The following AGO2 variants were observed in gnomAD, a reference collection of about 807,000 sequenced individuals.
AGO2 encodes argonaute RISC catalytic component 2.
In AGO2, 5 loss-of-function variants were observed where a neutral mutation model predicts 102.3. The ratio of observed to expected loss-of-function variants is 0.05; its 90% CI spans 0.03 to 0.10. AGO2 has a LOEUF of 0.10. Ranked by LOEUF, AGO2 falls within the 10% of genes least tolerant of loss-of-function variation. The pLI, the probability that AGO2 is intolerant of heterozygous loss-of-function variation, is 1.00. For synonymous variants in AGO2, 449 were observed against 473.1 expected, an observed-to-expected ratio of 0.95 and a Z score of 0.66; for missense variants, 541 against 1,183.7, an observed-to-expected ratio of 0.46 and a Z score of 7.97.
At chr8:140,612,051 G>C (rs1046051713) in intron 1 of AGO2, among the ~76,000 whole-genome samples, 2 of 151,560 alleles carry the variant, frequency 1.3e-5, no homozygotes, top group Admixed American at 1.3e-4. Context: ...GTGAAACCCC[G>C]TCTCTACTAA....
At chr8:140,537,628 T>G (rs932693607) in intron 16 of AGO2, among the ~76,000 whole-genome samples, 4 of 151,764 alleles carry the variant, frequency 2.6e-5, no homozygotes, top group Non-Finnish European at 5.9e-5. Context: ...AGTTTTTCAT[T>G]TTTGTCTGGA....
chr8:140,531,147 A>G lies in AGO2; in HGVS notation c.*897T>C, dbSNP rs1052934433. On this transcript the variant is annotated 3_prime_UTR_variant, in exon 19 of 19. Transcript: ENST00000220592. ...ATAGTCAATAAAATGAAAAAACAGC[A>G]TCTATCTATCACATTAATACTGCAA... 4 of 152,476 alleles carry G rather than the reference A, an allele frequency of 2.6e-5. No individual in the cohort carries two copies. Among genetic ancestry groups the G allele is most frequent in the African/African-American group, 9.7e-5 (4 of 41,444 alleles). 9.4% of individuals were successfully genotyped at this position (152,476 alleles called of 1,614,324 possible).
At chr8:140,620,139 G>A (rs1218007966) in intron 1 of AGO2, among the ~76,000 whole-genome samples, 1 of 152,206 alleles carries the variant, frequency 6.6e-6, no homozygotes, top group Non-Finnish European at 1.5e-5. Context: ...GGGGTCCCAC[G>A]TCAGGAGGAA....
intron 1 of AGO2, among the ~76,000 whole-genome samples, chr8:140,611,082 G>A (rs1271371809): frequency 2.0e-5 from 3 of 152,198 alleles, no homozygotes; most frequent in Non-Finnish European, 2.9e-5. Context: ...GGTCCGGGGA[G>A]CTTCAGGGAG....
intron 1 of AGO2, among the ~76,000 whole-genome samples, chr8:140,625,690 C>T (rs1053168932): frequency 1.3e-5 from 2 of 152,304 alleles, no homozygotes; most frequent in East Asian, 1.9e-4. Context: ...CTCTACCATG[C>T]GCATCCCCGA....
intron 17 of AGO2, among the ~76,000 whole-genome samples, chr8:140,533,959 C>T (rs1050982964): frequency 6.6e-6 from 1 of 152,236 alleles, no homozygotes; most frequent in African/African-American, 2.4e-5. Context: ...TCTCTGCCAC[C>T]TCTGCCTGCC....
At chr8:140,627,584 C>T (rs1224204676) in intron 1 of AGO2, among the ~76,000 whole-genome samples, 2 of 152,172 alleles carry the variant, frequency 1.3e-5, no homozygotes, top group East Asian at 3.8e-4. Context: ...GTAAGAGATT[C>T]GGGTTAGGGG....
intron 6 of AGO2, among the ~76,000 whole-genome samples, chr8:140,558,860 ACGG>A (rs2073146723): frequency 6.6e-6 from 1 of 152,186 alleles, no homozygotes; most frequent in African/African-American, 2.4e-5. Context: ...AACACGGGGT[ACGG>A]TGGATGGCCC....
At chr8:140,566,812 C>T (rs187388713) in intron 3 of AGO2, among the ~76,000 whole-genome samples, 5 of 152,292 alleles carry the variant, frequency 3.3e-5, no homozygotes, top group Non-Finnish European at 7.4e-5. Flanking sequence ...AATTCCAGTA[C>T]GGACTGGCAG....
chr8:140,542,236 C>T (rs1216885871), intron 14 of AGO2, among the ~76,000 whole-genome samples: 1 of 152,038 alleles, frequency 6.6e-6, no homozygotes, highest in Non-Finnish European at 1.5e-5. Flanking sequence ...CCTCTGGCTG[C>T]GGAAGGAAAG....
chr8:140,578,418 A>G (rs903654208), intron 2 of AGO2, among the ~76,000 whole-genome samples: 1 of 152,150 alleles, frequency 6.6e-6, no homozygotes, highest in Non-Finnish European at 1.5e-5. Flanking sequence ...CACTTCCCCA[A>G]AGTGAAACTG....
chr8:140,532,178 T>C (rs372315408), intron 18 of AGO2, 26 bp from the exon 19 acceptor site: 32 of 1,588,216 alleles, frequency 2.0e-5, no homozygotes, highest in Non-Finnish European at 2.7e-5. Context: ...AGAGAGAGAA[T>C]GAGAATGTGC....
intron 6 of AGO2, among the ~76,000 whole-genome samples, chr8:140,558,922 GCCAGGGGTGGGC>G (rs891695269): frequency 1.3e-5 from 2 of 152,194 alleles, no homozygotes; most frequent in African/African-American, 4.8e-5. Context: ...GGCTTGTGGA[GCCAGGGGTGGGC>G]CCCCCATTCT....
In AGO2 at chr8:140,617,027, C is replaced by T. The variant is rs922698684; in HGVS notation, c.22+18458G>A. On this transcript the variant is annotated intron_variant, in intron 1 of 18. Transcript: ENST00000220592. ...CTCTCTGCAAGCAACGATGCTGGAT[C>T]GGAGATGCAGCAGGAGCAGGTCCAG... Among the ~76,000 whole-genome samples the T allele has an allele frequency of 2.6e-3, 13 of 4,924 alleles. No homozygotes were observed. In the Admixed American group the frequency reaches 0.03, roughly 11 times the overall value. 3.2% of individuals were successfully genotyped at this position (4,924 alleles called of 152,430 possible).
At position 140,567,717 on chromosome 8, in the gene AGO2, G is replaced by A. The variant is rs146774249; in HGVS notation, c.337-5083C>T. Among the ~76,000 whole-genome samples the A allele has an allele frequency of 9.7e-3, 1,481 of 152,288 alleles. 23 individuals carry two copies. The highest frequency in any genetic ancestry group is 0.032 in the African/African-American group (1,319 of 41,554). On this transcript the variant is annotated intron_variant, in intron 3 of 18. Coordinates refer to ENST00000220592, the MANE Select transcript of AGO2 (RefSeq NM_012154.5). The surrounding 1 kb of genome is among the most constrained non-coding windows in gnomAD (Gnocchi z 5.0). ...CAATCTCCCCAGACAAGCCAAACCC[G>A]CAGGCTGGCCTCCCTGTCCGGAAAT...
intron 1 of AGO2, among the ~76,000 whole-genome samples, chr8:140,607,079 G>A (rs1268581740): frequency 7.2e-5 from 11 of 152,052 alleles, no homozygotes; most frequent in African/African-American, 1.7e-4. Flanking sequence ...GAGAAACCCC[G>A]TCTCTACTAA....
intron 5 of AGO2, 82 bp from the exon 6 acceptor site, chr8:140,559,611 G>C: frequency 6.4e-7 from 1 of 1,559,726 alleles, no homozygotes; most frequent in Non-Finnish European, 8.7e-7. Context: ...GGGCCTCATA[G>C]GCCAGGCCAG....
rs749387426 is a variant in AGO2 at position 140,585,322 on chromosome 8, A to G, written c.23-11T>C. The stretch of plus-strand genomic sequence containing the variant: ...CAGGAGGTGCAAGTGCTGGAATGGC[A>G]GAGAGAACACCCATTAACGGGGGAG... On this transcript the variant is annotated splice_polypyrimidine_tract_variant and intron_variant, in intron 1 of 18. Transcript: ENST00000220592. The G allele has an allele frequency of 6.2e-7, 1 of 1,612,872 alleles. No homozygotes were observed.
rs1243796490 is a variant in AGO2, at chr8:140,557,650, C to T, written c.879-414G>A. 1.3e-5 allele frequency among the ~76,000 whole-genome samples: 2 copies of T among 152,200 alleles called. No homozygotes were observed. The highest frequency in any genetic ancestry group is 1.9e-4 in the East Asian group (1 of 5,200). ...ACAGGACGAGGAAAGCAGGCCAGGCCGGTTCCGGCCGCACGGTGACGGCAG... is the reference window on the plus strand; with the variant it reads ...ACAGGACGAGGAAAGCAGGCCAGGCTGGTTCCGGCCGCACGGTGACGGCAG... On this transcript the variant is annotated intron_variant, in intron 7 of 18. Coordinates refer to ENST00000220592, the MANE Select transcript of AGO2 (RefSeq NM_012154.5). This position sits in a 1 kb window ranked among gnomAD's most constrained non-coding sequence, Gnocchi z 5.9.
Sources: gnomAD v4.1 joint callset for allele counts (sites outside exome capture counted in the v4.1 genomes callset) on GRCh38, gnomAD v4.1.1 for gene constraint, Gnocchi (gnomAD v3.1) non-coding constraint, MANE v1.5 for transcripts, NCBI Gene and HGNC (gene_info 2026-07-23, HGNC 2026-07-21) for gene names.